Variants in ASB18 observed in about 807,000 individuals in gnomAD.
The protein encoded by ASB18 is ankyrin repeat and SOCS box containing 18.
In ASB18, 33 loss-of-function variants were observed where a neutral mutation model predicts 33.4. The ratio of observed to expected loss-of-function variants is 0.99; its 90% CI spans 0.75 to 1.32. The LOEUF (loss-of-function observed/expected upper bound fraction) is 1.32, where lower values mean the gene tolerates loss of function less well. Among genes scored for constraint, ASB18 ranks in the 40% most tolerant of loss-of-function variants. The pLI is 0.00. For missense variants in ASB18, 694 were observed against 655.5 expected (o/e 1.06, Z -0.64); for synonymous variants, 295 against 307.6 (o/e 0.96, Z 0.43).
chr2:236,246,829 T>C (rs2060646904), intron 1 of ASB18, among the ~76,000 whole-genome samples: 1 of 152,350 alleles, frequency 6.6e-6, no homozygotes, highest in South Asian at 2.1e-4. Flanking sequence ...CATTTTGCCA[T>C]TTTATTTTTT....
chr2:236,234,702 A>G lies in ASB18; in HGVS notation c.596+2987T>C, dbSNP rs976440485. Among the ~76,000 whole-genome samples, 1 of 152,270 alleles carries G rather than the reference A, an allele frequency of 6.6e-6. No individual in the cohort carries two copies. Among genetic ancestry groups the G allele is most frequent in the Admixed American group, 6.5e-5 (1 of 15,288 alleles). ...TTAGATTCACAAATACTTATTTTCT[A>G]CTAACAGTGCTGGAACTGTCAGATA... On this transcript the variant is annotated intron_variant, in intron 3 of 5. Transcript: ENST00000409749. The surrounding 1 kb of genome is among the most constrained non-coding windows in gnomAD (Gnocchi z 4.1).
rs2060690200 is a variant in ASB18, at chr2:236,256,007, T to TA, written c.205+8133_205+8134insT. On this transcript the variant is annotated intron_variant, in intron 1 of 5. Coordinates refer to ENST00000409749, the MANE Select transcript of ASB18 (RefSeq NM_212556.4). This position sits in a 1 kb window ranked among gnomAD's most constrained non-coding sequence, Gnocchi z 4.7. Reference sequence around the variant, plus strand: ...GCTATTTGGTGCATTAATATTTATTTTTTATTTATTTATTTTTAATTTCTA... The same window carrying TA: ...GCTATTTGGTGCATTAATATTTATTTATTTATTTATTTATTTTTAATTTCTA... 2.0e-5 allele frequency among the ~76,000 whole-genome samples: 3 copies of TA among 152,168 alleles called. No individual in the cohort carries two copies.
chr2:236,230,710 T>G (rs2060560125), intron 3 of ASB18, among the ~76,000 whole-genome samples: 1 of 149,700 alleles, frequency 6.7e-6, no homozygotes, highest in Non-Finnish European at 1.5e-5. Flanking sequence ...AGAAATCACT[T>G]AACACAACAA....
In ASB18 at chr2:236,221,816, A is replaced by G. The variant is rs1250413985; in HGVS notation, c.597-6950T>C. Among the ~76,000 whole-genome samples the G allele has an allele frequency of 6.6e-6, 1 of 152,118 alleles. No individual in the cohort carries two copies. Among genetic ancestry groups the G allele is most frequent in the Non-Finnish European group, 1.5e-5 (1 of 68,016 alleles). ...GGGTTGAGCACTACACAGTGTGTTC[A>G]GTGGGGGTAATGGGTGTTATGAGCT... On this transcript the variant is annotated intron_variant, in intron 3 of 5. Coordinates refer to ENST00000409749, the MANE Select transcript of ASB18 (RefSeq NM_212556.4). The surrounding 1 kb of genome is among the most constrained non-coding windows in gnomAD (Gnocchi z 5.6).
intron 4 of ASB18, among the ~76,000 whole-genome samples, chr2:236,207,819 CTTTTTTT>C (rs36109128): frequency 7.4e-6 from 1 of 135,160 alleles, no homozygotes; most frequent in Non-Finnish European, 1.6e-5. Flanking sequence ...GCCTGGCTGA[CTTTTTTT>C]TTTTTTTTTT....
Position 236,238,356 on chromosome 2 carries a change from G to A in ASB18, c.329-400C>T, listed in dbSNP as rs1316774767. ...GTGTTCCAGGCCCTGAGTTAGGGCA[G>A]CTTGAAAGAGGAAAGTGGGTTGTGG... On this transcript the variant is annotated intron_variant, in intron 2 of 5. Transcript: ENST00000409749. The surrounding 1 kb of genome is among the most constrained non-coding windows in gnomAD (Gnocchi z 5.2). Among the ~76,000 whole-genome samples, 3 of 152,194 alleles carry A rather than the reference G, an allele frequency of 2.0e-5. No homozygotes were observed. Among genetic ancestry groups the A allele is most frequent in the African/African-American group, 7.2e-5 (3 of 41,444 alleles).
chr2:236,260,242 G>A lies in ASB18; in HGVS notation c.205+3899C>T, dbSNP rs2060711798. ...AACCTCTTCCCTCTTCTTTCCCCCA[G>A]GTACTTTTGCCAACATGACCCTCGA... On this transcript the variant is annotated intron_variant, in intron 1 of 5. Coordinates refer to ENST00000409749, the MANE Select transcript of ASB18 (RefSeq NM_212556.4). This position sits in a 1 kb window ranked among gnomAD's most constrained non-coding sequence, Gnocchi z 5.1. Among the ~76,000 whole-genome samples, 1 of 152,114 alleles carries A rather than the reference G, an allele frequency of 6.6e-6. No homozygotes were observed. The highest frequency in any genetic ancestry group is 2.4e-5 in the African/African-American group (1 of 41,400).
At position 236,203,677 on chromosome 2, in the gene ASB18, G is replaced by A. The variant is rs1206266022; in HGVS notation, c.1102-7292C>T. Among the ~76,000 whole-genome samples the A allele has an allele frequency of 6.6e-6, 1 of 152,104 alleles. No homozygotes were observed. The highest frequency in any genetic ancestry group is 6.6e-5 in the Admixed American group (1 of 15,260). The stretch of plus-strand genomic sequence containing the variant: ...GTCTAGGAGTTTGAGACTAGCCTGG[G>A]CAACATGGAGAAACCCTGTTTCTAC... On this transcript the variant is annotated intron_variant, in intron 4 of 5. Coordinates refer to ENST00000409749, the MANE Select transcript of ASB18 (RefSeq NM_212556.4). This position sits in a 1 kb window ranked among gnomAD's most constrained non-coding sequence, Gnocchi z 6.0.
Position 236,217,069 on chromosome 2 carries a change from A to G in ASB18, c.597-2203T>C, listed in dbSNP as rs2060491410. 6.6e-6 allele frequency among the ~76,000 whole-genome samples: 1 copy of G among 152,130 alleles called. No individual in the cohort carries two copies. Among genetic ancestry groups the G allele is most frequent in the African/African-American group, 2.4e-5 (1 of 41,434 alleles). ...AGGGGTCACACCTCTGTGTTGTCAC[A>G]TGTCTTGCACTATGTGCCCAGGCAC... is the stretch of plus-strand genomic sequence containing the variant. On this transcript the variant is annotated intron_variant, in intron 3 of 5. Transcript: ENST00000409749. This position sits in a 1 kb window ranked among gnomAD's most constrained non-coding sequence, Gnocchi z 5.2.
chr2:236,224,632 T>A (rs899821070), intron 3 of ASB18, among the ~76,000 whole-genome samples: 4 of 152,240 alleles, frequency 2.6e-5, no homozygotes, highest in Admixed American at 6.5e-5. Flanking sequence ...GGGTCCTGGC[T>A]CTACTGGTTT....
In ASB18 at chr2:236,211,910, A is replaced by G. The variant is rs1037553024; in HGVS notation, c.1101+2452T>C. Among the ~76,000 whole-genome samples the G allele has an allele frequency of 1.3e-5, 2 of 152,152 alleles. No individual in the cohort carries two copies. The highest frequency in any genetic ancestry group is 2.9e-5 in the Non-Finnish European group (2 of 68,026). On this transcript the variant is annotated intron_variant, in intron 4 of 5. Transcript: ENST00000409749. The surrounding 1 kb of genome is among the most constrained non-coding windows in gnomAD (Gnocchi z 5.0). ...GGTGTGGGGGAATCCCAGTGCAAAAAGGTGGAATCCTTATTTCCAAAGATT... is the reference window on the plus strand; with the variant it reads ...GGTGTGGGGGAATCCCAGTGCAAAAGGGTGGAATCCTTATTTCCAAAGATT...
intron 3 of ASB18, among the ~76,000 whole-genome samples, chr2:236,233,410 C>G (rs2060575950): frequency 2.0e-5 from 3 of 152,040 alleles, no homozygotes; most frequent in Non-Finnish European, 4.4e-5. Flanking sequence ...TTTTATTCAA[C>G]ATTGCACTGG....
In ASB18 at chr2:236,215,833, G is replaced by T. The variant is rs1015580990; in HGVS notation, c.597-967C>A. Among the ~76,000 whole-genome samples, 1 of 152,102 alleles carries T rather than the reference G, an allele frequency of 6.6e-6. No individual in the cohort carries two copies. Among genetic ancestry groups the T allele is most frequent in the African/African-American group, 2.4e-5 (1 of 41,424 alleles). ...CCTGCTCCCATAGTCACCTGCCATC[G>T]ATAAGGCCGCTCCAGCCTTGGAAGT... On this transcript the variant is annotated intron_variant, in intron 3 of 5. Transcript: ENST00000409749. The surrounding 1 kb of genome is among the most constrained non-coding windows in gnomAD (Gnocchi z 7.2).
At position 236,217,136 on chromosome 2, in the gene ASB18, G is replaced by A. The variant is rs1411240219; in HGVS notation, c.597-2270C>T. Among the ~76,000 whole-genome samples the A allele has an allele frequency of 6.6e-6, 1 of 152,130 alleles. No individual in the cohort carries two copies. Among genetic ancestry groups the A allele is most frequent in the Non-Finnish European group, 1.5e-5 (1 of 68,026 alleles). The stretch of plus-strand genomic sequence containing the variant: ...TTCAAATATTTGTTGGGCCAGGCGC[G>A]GTGGCTCATGCCGGTAATCCCAGCA... On this transcript the variant is annotated intron_variant, in intron 3 of 5. Transcript: ENST00000409749. This position sits in a 1 kb window ranked among gnomAD's most constrained non-coding sequence, Gnocchi z 5.2.
chr2:236,237,406 CGGGGCGGGGGCCGGGGCCGGGGCGCG>C lies in ASB18; in HGVS notation c.596+257_596+282del, dbSNP rs1423251961. ...CGGGGCGGGGGCCGGGGCCGGGGCG[CGGGGCGGGGGCCGGGGCCGGGGCGCG>C]GGGCGAGGGCCGGGAGGTGCCAGGT... On this transcript the variant is annotated intron_variant, in intron 3 of 5. Coordinates refer to ENST00000409749, the MANE Select transcript of ASB18 (RefSeq NM_212556.4). The surrounding 1 kb of genome is among the most constrained non-coding windows in gnomAD (Gnocchi z 6.2). Among the ~76,000 whole-genome samples the C allele has an allele frequency of 1.5e-4, 14 of 91,718 alleles. 1 individual carries two copies. Among genetic ancestry groups the C allele is most frequent in the African/African-American group, 8.7e-4 (14 of 16,086 alleles). 60.2% of individuals were successfully genotyped at this position (91,718 alleles called of 152,430 possible).
intron 3 of ASB18, among the ~76,000 whole-genome samples, chr2:236,233,176 C>T (rs2060574543): frequency 6.6e-6 from 1 of 151,956 alleles, no homozygotes; most frequent in African/African-American, 2.4e-5. Flanking sequence ...TATTAACAGA[C>T]AAAACTTATA....
chr2:236,228,286 C>T lies in ASB18; in HGVS notation c.596+9403G>A, dbSNP rs1236474052. Among the ~76,000 whole-genome samples the T allele has an allele frequency of 6.6e-6, 1 of 152,132 alleles. No individual in the cohort carries two copies. The highest frequency in any genetic ancestry group is 1.5e-5 in the Non-Finnish European group (1 of 68,018). Reference sequence around the variant, plus strand: ...GGCAGTATTGGATTTCTCAACCTCCCAAAGGGCCTCTGGGCTCTCAGGCTG... The same window carrying T: ...GGCAGTATTGGATTTCTCAACCTCCTAAAGGGCCTCTGGGCTCTCAGGCTG... On this transcript the variant is annotated intron_variant, in intron 3 of 5. Coordinates refer to ENST00000409749, the MANE Select transcript of ASB18 (RefSeq NM_212556.4). The surrounding 1 kb of genome is among the most constrained non-coding windows in gnomAD (Gnocchi z 5.1).
chr2:236,226,667 C>T lies in ASB18; in HGVS notation c.596+11022G>A, dbSNP rs181852790. ...TGGTGTCCAAATGTAAGCTTGTTGGCGTCTCTTCAGCAGTGTTGCAATGAT... is the reference window on the plus strand; with the variant it reads ...TGGTGTCCAAATGTAAGCTTGTTGGTGTCTCTTCAGCAGTGTTGCAATGAT... On this transcript the variant is annotated intron_variant, in intron 3 of 5. Coordinates refer to ENST00000409749, the MANE Select transcript of ASB18 (RefSeq NM_212556.4). The surrounding 1 kb of genome is among the most constrained non-coding windows in gnomAD (Gnocchi z 4.8). Among the ~76,000 whole-genome samples, 32 of 152,126 alleles carry T rather than the reference C, an allele frequency of 2.1e-4. No homozygotes were observed. Among genetic ancestry groups the T allele is most frequent in the African/African-American group, 5.3e-4 (22 of 41,494 alleles).
Position 236,203,309 on chromosome 2 carries a change from G to A in ASB18, c.1102-6924C>T, listed in dbSNP as rs1427090253. On this transcript the variant is annotated intron_variant, in intron 4 of 5. Transcript: ENST00000409749. The surrounding 1 kb of genome is among the most constrained non-coding windows in gnomAD (Gnocchi z 6.0). The stretch of plus-strand genomic sequence containing the variant: ...AGACCTGGCTCTGGAGCAGGAGTTA[G>A]CAGGGGGAAAAAAAGGCATGGAGAG... Among the ~76,000 whole-genome samples the A allele has an allele frequency of 6.6e-6, 1 of 152,162 alleles. No individual in the cohort carries two copies. Among genetic ancestry groups the A allele is most frequent in the East Asian group, 1.9e-4 (1 of 5,192 alleles).
Sources: allele counts gnomAD v4.1 joint callset (sites outside exome capture counted in the v4.1 genomes callset), GRCh38; gene constraint gnomAD v4.1.1; non-coding constraint Gnocchi (gnomAD v3.1); transcripts MANE v1.5; gene names NCBI Gene and HGNC (gene_info 2026-07-23, HGNC 2026-07-21).